The following SYT1 variants were observed in gnomAD, a reference collection of about 807,000 sequenced individuals.
The protein encoded by SYT1 is synaptotagmin-1.
SYT1 carries 8 observed loss-of-function variants against 44.8 expected under a neutral mutation model. The ratio of observed to expected loss-of-function variants is 0.18; its 90% CI spans 0.10 to 0.32. The LOEUF is 0.32. Ranked by LOEUF, SYT1 falls within the 10% of genes least tolerant of loss-of-function variation. SYT1 has a pLI of 1.00. For synonymous variants in SYT1, 154 were observed against 188.8 expected (o/e 0.82, Z 1.51); for missense variants, 286 against 509.3 (o/e 0.56, Z 4.22).
intron 3 of SYT1, among the ~76,000 whole-genome samples, chr12:79,158,361 T>C (rs1019878340): frequency 2.0e-4 from 31 of 152,064 alleles, no homozygotes; most frequent in Admixed American, 2.0e-3. Context: ...GTATCTAATG[T>C]CACTGCTGAT....
intron 8 of SYT1, among the ~76,000 whole-genome samples, chr12:79,308,113 C>G (rs2138914779): frequency 6.6e-6 from 1 of 152,308 alleles, no homozygotes; most frequent in South Asian, 2.1e-4. Context: ...GAACAGAGGA[C>G]AGAGGCAAGA....
At chr12:79,165,238 A>G (rs544202757) in intron 3 of SYT1, among the ~76,000 whole-genome samples, 2 of 152,110 alleles carry the variant, frequency 1.3e-5, no homozygotes, top group South Asian at 4.1e-4. Flanking sequence ...TATGTCATTT[A>G]TGGCTGAAAA....
intron 3 of SYT1, among the ~76,000 whole-genome samples, chr12:79,066,634 A>T (rs75584058): frequency 1.3e-5 from 2 of 152,310 alleles, no homozygotes; most frequent in East Asian, 3.9e-4. Context: ...TTCAATTTAC[A>T]AATGGGGATA....
chr12:79,273,554 A>G (rs1878547423), intron 4 of SYT1, among the ~76,000 whole-genome samples: 1 of 152,186 alleles, frequency 6.6e-6, no homozygotes, highest in Admixed American at 6.5e-5. Flanking sequence ...CATCACCATG[A>G]TTCTCATTTC....
chr12:78,924,005 C>A (rs1300043302), intron 1 of SYT1, among the ~76,000 whole-genome samples: 2 of 151,890 alleles, frequency 1.3e-5, no homozygotes, highest in Non-Finnish European at 2.9e-5. Flanking sequence ...ATTCCTCAAT[C>A]TTAATTTGCG....
chr12:78,948,890 TGTAA>T (rs1402391110), intron 1 of SYT1, among the ~76,000 whole-genome samples: 1 of 151,472 alleles, frequency 6.6e-6, no homozygotes, highest in African/African-American at 2.4e-5. Context: ...CTGTCTCAAA[TGTAA>T]GTTTCTTACA....
intron 8 of SYT1, among the ~76,000 whole-genome samples, chr12:79,303,859 A>G (rs1277343013): frequency 2.0e-5 from 3 of 152,184 alleles, no homozygotes; most frequent in Non-Finnish European, 4.4e-5. Context: ...CCCAAGGATC[A>G]TGAAAGAAGT....
At chr12:79,225,018 T>C (rs1339343450) in intron 4 of SYT1, among the ~76,000 whole-genome samples, 1 of 151,548 alleles carries the variant, frequency 6.6e-6, no homozygotes, top group East Asian at 1.9e-4. Context: ...CGACCTCAGG[T>C]GATCTGCCTG....
intron 1 of SYT1, among the ~76,000 whole-genome samples, chr12:78,879,835 T>G (rs527473575): frequency 4.8e-4 from 73 of 151,896 alleles, no homozygotes; most frequent in African/African-American, 1.7e-3. Flanking sequence ...TCTGGCCATA[T>G]TGGCCTTTTT....
chr12:79,049,058 C>A (rs913978876), intron 3 of SYT1, among the ~76,000 whole-genome samples: 48 of 151,832 alleles, frequency 3.2e-4, no homozygotes, highest in African/African-American at 1.2e-3. Context: ...GCTCTTTATG[C>A]AAGAACCAAG....
chr12:79,299,561 T>C lies in SYT1; in HGVS notation c.810+10T>C, dbSNP rs931307286. On this transcript the variant is annotated intron_variant, in intron 8 of 10. Transcript: ENST00000261205. ...TGCTGAGAAGGAAGAGGTAAGGGAA[T>C]TACTAGCATTTCTAACATCACAAGC... is the stretch of plus-strand genomic sequence containing the variant. 2 of 1,609,486 alleles carry C rather than the reference T, an allele frequency of 1.2e-6. No individual in the cohort carries two copies. The highest frequency in any genetic ancestry group is 1.7e-6 in the Non-Finnish European group (2 of 1,178,272).
chr12:79,068,657 C>T (rs1565791327), intron 3 of SYT1, among the ~76,000 whole-genome samples: 1 of 152,104 alleles, frequency 6.6e-6, no homozygotes, highest in Non-Finnish European at 1.5e-5. Flanking sequence ...TGATTTTCCT[C>T]CTACTCTATT....
intron 1 of SYT1, among the ~76,000 whole-genome samples, chr12:78,889,071 T>C (rs1354171619): frequency 6.6e-6 from 1 of 151,916 alleles, no homozygotes; most frequent in East Asian, 1.9e-4. Flanking sequence ...TGGTTAATTT[T>C]TTTTTTAAGA....
At chr12:79,080,361 A>G (rs1263326925) in intron 3 of SYT1, among the ~76,000 whole-genome samples, 2 of 152,136 alleles carry the variant, frequency 1.3e-5, no homozygotes, top group African/African-American at 4.8e-5. Flanking sequence ...TGAGCATTTC[A>G]TTTTTTATCT....
chr12:79,417,644 C>G (rs1868830532), intron 9 of SYT1, among the ~76,000 whole-genome samples: 1 of 152,144 alleles, frequency 6.6e-6, no homozygotes, highest in African/African-American at 2.4e-5. Flanking sequence ...CCTTTCATGA[C>G]AAGGTCCAGG....
intron 1 of SYT1, among the ~76,000 whole-genome samples, chr12:78,972,715 A>AT (rs888414637): frequency 6.6e-5 from 10 of 150,670 alleles, no homozygotes; most frequent in African/African-American, 1.2e-4. Flanking sequence ...AACTCATTCG[A>AT]TTTTTTTTTC....
chr12:79,139,110 AAAC>A (rs1326104907), intron 3 of SYT1, among the ~76,000 whole-genome samples: 3 of 152,154 alleles, frequency 2.0e-5, no homozygotes, highest in African/African-American at 7.2e-5. Flanking sequence ...CCCCACACAG[AAAC>A]AACATCCAAG....
chr12:79,161,503 A>G (rs1011643274), intron 3 of SYT1, among the ~76,000 whole-genome samples: 1 of 152,154 alleles, frequency 6.6e-6, no homozygotes, highest in Non-Finnish European at 1.5e-5. Flanking sequence ...TTCAGACTGT[A>G]TTCCATCGTT....
chr12:79,203,510 T>C (rs1233019380), intron 3 of SYT1, among the ~76,000 whole-genome samples: 3 of 152,340 alleles, frequency 2.0e-5, no homozygotes, highest in African/African-American at 2.4e-5. Context: ...TTGACTCATA[T>C]GCCCTTGCCT....
Sources: gnomAD v4.1 joint callset for allele counts (sites outside exome capture counted in the v4.1 genomes callset) on GRCh38, gnomAD v4.1.1 for gene constraint, MANE v1.5 for transcripts, NCBI Gene and HGNC (gene_info 2026-07-23, HGNC 2026-07-21) for gene names.